The following RNF216 variants were observed in gnomAD, a reference collection of about 807,000 sequenced individuals.
RNF216 encodes E3 ubiquitin-protein ligase RNF216.
A neutral mutation model predicts 110.8 loss-of-function variants in RNF216; 72 were observed. The ratio of observed to expected loss-of-function variants is 0.65; its 90% CI spans 0.54 to 0.79. The LOEUF is 0.79. Ranked by LOEUF, RNF216 falls within the 30% of genes least tolerant of loss-of-function variation. The pLI is 0.00. For synonymous variants in RNF216, 495 were observed against 407.5 expected, an observed-to-expected ratio of 1.21 and a Z score of -2.59; for missense variants, 1,342 against 1,141.2, an observed-to-expected ratio of 1.18 and a Z score of -2.54.
At position 5,680,885 on chromosome 7, in the gene RNF216, C is replaced by T. The variant is rs376603161; in HGVS notation, c.2062-28375G>A. 1.5e-4 allele frequency among the ~76,000 whole-genome samples: 23 copies of T among 152,236 alleles called. No individual in the cohort carries two copies. In the East Asian group the frequency reaches 3.1e-3, roughly 20 times the overall value. On this transcript the variant is annotated intron_variant, in intron 13 of 16. Transcript: ENST00000389902. The surrounding 1 kb of genome is among the most constrained non-coding windows in gnomAD (Gnocchi z 4.3). The stretch of plus-strand genomic sequence containing the variant: ...TCATTCCAGCTTGTCCTTTCTGTTC[C>T]GCCTCCAAAATGCACCTCACATCTA...
intron 2 of RNF216, among the ~76,000 whole-genome samples, chr7:5,756,453 C>A (rs1361562439): frequency 6.6e-6 from 1 of 152,126 alleles, no homozygotes. Context: ...TTGCTGAGCC[C>A]TAGTTATCTT....
intron 13 of RNF216, among the ~76,000 whole-genome samples, chr7:5,689,895 T>G (rs1040556382): frequency 1.4e-4 from 20 of 146,428 alleles, no homozygotes; most frequent in African/African-American, 4.9e-4. Flanking sequence ...GAGCCAAGAT[T>G]GCGCCACTGC....
chr7:5,704,798 G>A (rs577481080), intron 13 of RNF216, among the ~76,000 whole-genome samples: 6 of 152,186 alleles, frequency 3.9e-5, no homozygotes, highest in African/African-American at 1.4e-4. Context: ...CACTGCCTCA[G>A]GTCCCCATAT....
At chr7:5,778,581 G>C (rs1796906797) in intron 1 of RNF216, among the ~76,000 whole-genome samples, 1 of 152,178 alleles carries the variant, frequency 6.6e-6, no homozygotes, top group Non-Finnish European at 1.5e-5. Flanking sequence ...TGGCACAGTA[G>C]ATGATCTTCA....
rs1372315370 is a variant in RNF216 at position 5,624,071 on chromosome 7, T to C, written c.2437A>G (p.Lys813Glu). 2 of 1,613,768 alleles carry C rather than the reference T, an allele frequency of 1.2e-6. No individual in the cohort carries two copies. The highest frequency in any genetic ancestry group is 1.7e-5 in the Admixed American group (1 of 60,012). Residue 813 changes from lysine to glutamate, a missense_variant, in exon 16 of 17, where the codon AAA (lysine) becomes GAA (glutamate). Lys to Glu is a moderately conservative substitution (Grantham distance 56, BLOSUM62 1). Transcript: ENST00000389902. The surrounding 1 kb of genome is among the most constrained non-coding windows in gnomAD (Gnocchi z 4.4). ...GGGCACTTGCCTCCATTCTTTCTTT[T>C]CTGTTCCTCTTCAGCCTCCTTCTGG... ...EIQKEAEEEQ[K>E]RKNGENTFKR...
rs1786565565 is a variant in RNF216 at position 5,624,161 on chromosome 7, C to T, written c.2383-36G>A. ...AGCAATGAGAAGGATGAACCTGTAG[C>T]TTCATGCAGTGCTGAGGCCCCGTGG... On this transcript the variant is annotated intron_variant, in intron 15 of 16. Transcript: ENST00000389902. This position sits in a 1 kb window ranked among gnomAD's most constrained non-coding sequence, Gnocchi z 4.4. The T allele has an allele frequency of 6.3e-7, 1 of 1,578,762 alleles. No homozygotes were observed. Among genetic ancestry groups the T allele is most frequent in the Non-Finnish European group, 8.7e-7 (1 of 1,151,926 alleles).
chr7:5,738,707 C>CAAA (rs71004696), intron 5 of RNF216, among the ~76,000 whole-genome samples: 820 of 70,126 alleles, frequency 0.012, 26 homozygotes, highest in African/African-American at 0.043. Flanking sequence ...GACTCCGTCT[C>CAAA]AAAAAAAAAA....
chr7:5,694,269 T>G (rs1405024329), intron 13 of RNF216, among the ~76,000 whole-genome samples: 7 of 152,216 alleles, frequency 4.6e-5, no homozygotes, highest in Non-Finnish European at 1.0e-4. Flanking sequence ...CAAAACAAGG[T>G]CTAGGTATGC....
chr7:5,775,764 G>T (rs1796740591), intron 1 of RNF216, among the ~76,000 whole-genome samples: 1 of 152,070 alleles, frequency 6.6e-6, no homozygotes, highest in Non-Finnish European at 1.5e-5. Context: ...AGCTACTCGG[G>T]AGGCTGAGGC....
At chr7:5,753,041 G>A in intron 2 of RNF216, 62 bp from the exon 3 acceptor site, 1 of 1,543,196 alleles carries the variant, frequency 6.5e-7, no homozygotes, top group South Asian at 1.3e-5. Context: ...AACTCTTTAA[G>A]TTTTTCCTGA....
chr7:5,726,366 T>C (rs1172227580), intron 7 of RNF216, among the ~76,000 whole-genome samples: 1 of 152,164 alleles, frequency 6.6e-6, no homozygotes, highest in African/African-American at 2.4e-5. Flanking sequence ...TAGGCAAATC[T>C]TCCATGTTGT....
intron 1 of RNF216, among the ~76,000 whole-genome samples, chr7:5,774,610 G>GC (rs1234226703): frequency 4.9e-4 from 74 of 152,068 alleles, no homozygotes; most frequent in Non-Finnish European, 2.5e-4. Flanking sequence ...ACATTACAAG[G>GC]CTATGTTGAA....
chr7:5,629,775 C>T (rs1478684714), intron 15 of RNF216, among the ~76,000 whole-genome samples: 5 of 132,474 alleles, frequency 3.8e-5, no homozygotes, highest in African/African-American at 1.2e-4. Context: ...TGCAGTTAGC[C>T]GAGATGGTGC....
At chr7:5,723,231 G>GT (rs1346800164) in intron 8 of RNF216, among the ~76,000 whole-genome samples, 1 of 152,124 alleles carries the variant, frequency 6.6e-6, no homozygotes, top group Admixed American at 6.5e-5. Context: ...GTTAATTACT[G>GT]TAATTATCAA....
chr7:5,720,840 A>G (rs1297637636), intron 9 of RNF216, among the ~76,000 whole-genome samples, 193 bp downstream of exon 9: 3 of 152,246 alleles, frequency 2.0e-5, no homozygotes, highest in Non-Finnish European at 2.9e-5. Flanking sequence ...TCTAACATGA[A>G]TCTGATTTAT....
intron 8 of RNF216, among the ~76,000 whole-genome samples, 191 bp from the exon 9 acceptor site, chr7:5,721,363 G>T (rs1302359230): frequency 1.3e-5 from 2 of 152,008 alleles, no homozygotes; most frequent in Non-Finnish European, 2.9e-5. Flanking sequence ...TCCATTTTTT[G>T]ACCTTTCTGA....
Position 5,715,193 on chromosome 7 carries a change from G to A in RNF216, c.1696-3C>T. On this transcript the variant is annotated splice_polypyrimidine_tract_variant and splice_region_variant and intron_variant, in intron 10 of 16. Transcript: ENST00000389902. The stretch of plus-strand genomic sequence containing the variant: ...CGACACTCAATCAGCTGGCCATCCT[G>A]CAGGCAGTCAAGAAACACACATGAA... 1 of 1,611,982 alleles carries A rather than the reference G, an allele frequency of 6.2e-7. No individual in the cohort carries two copies. The highest frequency in any genetic ancestry group is 8.5e-7 in the Non-Finnish European group (1 of 1,179,532).
chr7:5,665,864 T>A (rs1436810182), intron 13 of RNF216, among the ~76,000 whole-genome samples: 1 of 151,740 alleles, frequency 6.6e-6, no homozygotes, highest in Non-Finnish European at 1.5e-5. Context: ...TGGACATTTA[T>A]ATAAAAATTC....
At position 5,701,879 on chromosome 7, in the gene RNF216, G is replaced by T. The variant is rs555860280; in HGVS notation, c.2061+9882C>A. 6.6e-5 allele frequency among the ~76,000 whole-genome samples: 10 copies of T among 152,318 alleles called. No homozygotes were observed. In the South Asian group the frequency reaches 2.1e-3, roughly 32 times the overall value. ...ACTATGAAAGCCCAGCAAAAGACGT[G>T]TCCCAAACAATGCCTCTTCATGTGA... On this transcript the variant is annotated intron_variant, in intron 13 of 16. Coordinates refer to ENST00000389902, the MANE Select transcript of RNF216 (RefSeq NM_207111.4).
Sources: allele counts gnomAD v4.1 joint callset (sites outside exome capture counted in the v4.1 genomes callset), GRCh38; gene constraint gnomAD v4.1.1; non-coding constraint Gnocchi (gnomAD v3.1); transcripts MANE v1.5; gene names NCBI Gene and HGNC (gene_info 2026-07-23, HGNC 2026-07-21).